KCNAB1: variants seen among roughly 807,000 people sequenced by gnomAD.
The protein encoded by KCNAB1 is potassium voltage-gated channel subfamily A regulatory beta subunit 1, also known as voltage-gated potassium channel subunit beta-1.
KCNAB1 carries 35 observed loss-of-function variants against 64.6 expected under a neutral mutation model. The ratio of observed to expected loss-of-function variants is 0.54; its 90% CI spans 0.41 to 0.72. KCNAB1 has a LOEUF of 0.72. Among genes scored for constraint, KCNAB1 ranks in the 30% least tolerant of loss-of-function variants. KCNAB1 has a pLI of 0.00. For synonymous variants in KCNAB1, 177 were observed against 183.8 expected, an observed-to-expected ratio of 0.96 and a Z score of 0.30; for missense variants, 401 against 512.9, an observed-to-expected ratio of 0.78 and a Z score of 2.11.
intron 1 of KCNAB1, among the ~76,000 whole-genome samples, chr3:156,379,174 C>T (rs180826671): frequency 1.3e-5 from 2 of 152,288 alleles, no homozygotes; most frequent in Admixed American, 6.5e-5. Flanking sequence ...TGAGAAGAGT[C>T]GGGATCCTGT....
At chr3:156,415,844 T>C (rs546220914) in intron 1 of KCNAB1, among the ~76,000 whole-genome samples, 1 of 151,924 alleles carries the variant, frequency 6.6e-6, no homozygotes, top group African/African-American at 2.4e-5. Flanking sequence ...ACTCAGAAAA[T>C]CCCTCTCCCC....
chr3:156,326,346 A>G (rs1722966130), intron 1 of KCNAB1, among the ~76,000 whole-genome samples: 1 of 152,100 alleles, frequency 6.6e-6, no homozygotes, highest in South Asian at 2.1e-4. Flanking sequence ...GCTTATAACC[A>G]TTATCTCTGT....
At chr3:156,534,626 GACC>G (rs1243029093) in intron 13 of KCNAB1, among the ~76,000 whole-genome samples, 1 of 152,090 alleles carries the variant, frequency 6.6e-6, no homozygotes, top group Non-Finnish European at 1.5e-5. Context: ...CCTACAAACT[GACC>G]ACTATCCCAG....
intron 3 of KCNAB1, 138 bp from the exon 4 acceptor site, chr3:156,457,315 C>CTT (rs200015858): frequency 2.3e-5 from 33 of 1,409,498 alleles, no homozygotes; most frequent in Non-Finnish European, 3.1e-5. Context: ...TCTTTCTTTC[C>CTT]CTCTCCACTA....
chr3:156,260,491 T>C lies in KCNAB1; in HGVS notation c.275+139605T>C, dbSNP rs910539048. Among the ~76,000 whole-genome samples, 5 of 152,354 alleles carry C rather than the reference T, an allele frequency of 3.3e-5. 1 individual carries two copies. Among genetic ancestry groups the C allele is most frequent in the Admixed American group, 6.5e-5 (1 of 15,302 alleles). ...TCTGTCTCTATAAATGTGCTATTTC[T>C]AGACATGTCATAAAAATAGAATTAT... On this transcript the variant is annotated intron_variant, in intron 1 of 13. Transcript: ENST00000490337.
At chr3:156,497,048 A>T (rs1245511837) in intron 8 of KCNAB1, among the ~76,000 whole-genome samples, 1 of 152,190 alleles carries the variant, frequency 6.6e-6, no homozygotes, top group Non-Finnish European at 1.5e-5. Flanking sequence ...ATTAATATTT[A>T]AAATATTAAA....
intron 1 of KCNAB1, among the ~76,000 whole-genome samples, chr3:156,414,967 A>C (rs1446253481): frequency 5.3e-5 from 8 of 152,170 alleles, no homozygotes; most frequent in Non-Finnish European, 1.5e-5. Flanking sequence ...CATTTCTCCA[A>C]AGTGCCACCT....
chr3:156,124,540 A>G (rs1326617831), intron 1 of KCNAB1, among the ~76,000 whole-genome samples: 5 of 152,086 alleles, frequency 3.3e-5, no homozygotes, highest in South Asian at 2.1e-4. Context: ...TAGAAGTGCA[A>G]TTAATGGATG....
intron 1 of KCNAB1, among the ~76,000 whole-genome samples, chr3:156,258,583 C>T (rs1272732600): frequency 2.0e-5 from 3 of 152,194 alleles, no homozygotes; most frequent in Admixed American, 2.0e-4. Flanking sequence ...TGCAACAACA[C>T]TCCCAAATGT....
chr3:156,451,796 C>G (rs1007372454), intron 2 of KCNAB1, among the ~76,000 whole-genome samples: 1 of 152,196 alleles, frequency 6.6e-6, no homozygotes, highest in East Asian at 1.9e-4. Context: ...CACCTCCTTT[C>G]CTGGCCGGTG....
At chr3:156,273,666 G>A (rs1363196344) in intron 1 of KCNAB1, 2 of 455,390 alleles carry the variant, frequency 4.4e-6, no homozygotes, top group East Asian at 6.9e-5. Flanking sequence ...GCGATATGAA[G>A]TTAAAACCAG....
chr3:156,158,264 T>G (rs1715875465), intron 1 of KCNAB1, among the ~76,000 whole-genome samples: 2 of 151,580 alleles, frequency 1.3e-5, no homozygotes, highest in African/African-American at 2.4e-5. Context: ...ACATTAATTC[T>G]ATTAGATTTT....
chr3:156,354,090 TATATA>T (rs535514037), intron 1 of KCNAB1, among the ~76,000 whole-genome samples: 115 of 145,450 alleles, frequency 7.9e-4, no homozygotes, highest in African/African-American at 2.7e-3. Context: ...TGTGTGTATA[TATATA>T]ATATATGTAT....
At chr3:156,280,901 C>T (rs1261619163) in intron 1 of KCNAB1, among the ~76,000 whole-genome samples, 2 of 148,694 alleles carry the variant, frequency 1.3e-5, no homozygotes, top group Non-Finnish European at 3.0e-5. Context: ...ACAATCATGT[C>T]ATCTGCAAAC....
intron 1 of KCNAB1, among the ~76,000 whole-genome samples, chr3:156,393,016 G>T (rs530844044): frequency 6.6e-6 from 1 of 152,180 alleles, no homozygotes; most frequent in Non-Finnish European, 1.5e-5. Flanking sequence ...CTGGGAGTTT[G>T]TGTGGGATGG....
chr3:156,425,452 T>G (rs906592077), intron 2 of KCNAB1, among the ~76,000 whole-genome samples: 10 of 152,176 alleles, frequency 6.6e-5, no homozygotes, highest in African/African-American at 2.2e-4. Context: ...GAAAAAATAT[T>G]AATATTATGT....
intron 12 of KCNAB1, among the ~76,000 whole-genome samples, chr3:156,527,793 G>A (rs1718426774): frequency 2.6e-5 from 4 of 152,182 alleles, no homozygotes; most frequent in Admixed American, 2.6e-4. Flanking sequence ...GATCTGCTAG[G>A]AGAGTGTGGG....
At chr3:156,171,863 T>C (rs960859706) in intron 1 of KCNAB1, among the ~76,000 whole-genome samples, 1 of 152,248 alleles carries the variant, frequency 6.6e-6, no homozygotes, top group South Asian at 2.1e-4. Context: ...TGTAAGCTTA[T>C]TTTTACAAAT....
chr3:156,347,406 T>C (rs1021806461), intron 1 of KCNAB1, among the ~76,000 whole-genome samples: 4 of 152,208 alleles, frequency 2.6e-5, no homozygotes, highest in African/African-American at 7.2e-5. Flanking sequence ...CTTTCTGAGC[T>C]TGAGTCCTCT....
Sources: gnomAD v4.1 joint callset for allele counts (sites outside exome capture counted in the v4.1 genomes callset) on GRCh38, gnomAD v4.1.1 for gene constraint, MANE v1.5 for transcripts, NCBI Gene and HGNC (gene_info 2026-07-23, HGNC 2026-07-21) for gene names.